Variants in SH3BGRL2 observed in about 807,000 individuals in gnomAD.
SH3BGRL2 encodes SH3 domain-binding glutamic acid-rich-like protein 2.
SH3BGRL2 carries 21 observed loss-of-function variants against 14.8 expected under a neutral mutation model. That is an observed-to-expected ratio of 1.42 (90% CI 1.01 to 2.05). The LOEUF is 2.05. Ranked by LOEUF, SH3BGRL2 falls within the 30% of genes most tolerant of loss-of-function variation. The pLI, the probability that SH3BGRL2 is intolerant of heterozygous loss-of-function variation, is 0.00. For synonymous variants in SH3BGRL2, 50 were observed against 47.8 expected (o/e 1.05, Z -0.19); for missense variants, 147 against 130.8 (o/e 1.12, Z -0.61).
chr6:79,643,267 G>A (rs576444664), intron 1 of SH3BGRL2, among the ~76,000 whole-genome samples: 1 of 152,198 alleles, frequency 6.6e-6, no homozygotes, highest in South Asian at 2.1e-4. Flanking sequence ...TTTGTGCCTG[G>A]TACTTTTTAT....
the SH3BGRL2 span, among the ~76,000 whole-genome samples, chr6:79,566,582 G>C: frequency 1.3e-5 from 2 of 152,062 alleles, no homozygotes; most frequent in African/African-American, 4.8e-5. Context: ...TTGTTTCCAT[G>C]ATAAATTATA....
intron 1 of SH3BGRL2, among the ~76,000 whole-genome samples, chr6:79,635,293 T>C (rs1768901477): frequency 6.6e-6 from 1 of 152,230 alleles, no homozygotes; most frequent in South Asian, 2.1e-4. Context: ...AACCACCTAA[T>C]TTTTTGGAAA....
At chr6:79,696,854 C>T (rs185280561) in intron 3 of SH3BGRL2, among the ~76,000 whole-genome samples, 1 of 151,960 alleles carries the variant, frequency 6.6e-6, no homozygotes, top group African/African-American at 2.4e-5. Flanking sequence ...CTAGTAGGTG[C>T]TTTCTGTTTA....
the SH3BGRL2 span, among the ~76,000 whole-genome samples, chr6:79,580,305 A>G: frequency 6.6e-6 from 1 of 152,356 alleles, no homozygotes; most frequent in Middle Eastern, 3.4e-3. Flanking sequence ...ATAGAAATCT[A>G]CAGAACTCTT....
chr6:79,608,182 C>G, the SH3BGRL2 span, among the ~76,000 whole-genome samples: 1 of 152,242 alleles, frequency 6.6e-6, no homozygotes, highest in Middle Eastern at 3.4e-3. Flanking sequence ...TAGTCAGCCC[C>G]CATGATCCAA....
chr6:79,545,106 C>T, the SH3BGRL2 span, among the ~76,000 whole-genome samples: 2 of 152,130 alleles, frequency 1.3e-5, no homozygotes, highest in Non-Finnish European at 2.9e-5. Flanking sequence ...TCTCAGCTGG[C>T]CTCATGTCTC....
At chr6:79,608,528 G>GT in the SH3BGRL2 span, among the ~76,000 whole-genome samples, 1 of 152,156 alleles carries the variant, frequency 6.6e-6, no homozygotes, top group Non-Finnish European at 1.5e-5. Context: ...CTTGGCACAT[G>GT]GTAACTGTTT....
the SH3BGRL2 span, among the ~76,000 whole-genome samples, chr6:79,538,018 GT>G: frequency 7.5e-4 from 33 of 44,156 alleles, no homozygotes; most frequent in Non-Finnish European, 8.9e-4. Context: ...TTGCACACAA[GT>G]TTTTTTTTTT....
At chr6:79,570,317 G>A in the SH3BGRL2 span, among the ~76,000 whole-genome samples, 5 of 152,146 alleles carry the variant, frequency 3.3e-5, no homozygotes, top group African/African-American at 1.2e-4. Flanking sequence ...TGGTTGCACG[G>A]TGACTAAGCA....
At chr6:79,605,598 A>C in the SH3BGRL2 span, among the ~76,000 whole-genome samples, 1 of 152,220 alleles carries the variant, frequency 6.6e-6, no homozygotes, top group Non-Finnish European at 1.5e-5. Context: ...GAATTCAATG[A>C]ATGCCTAATT....
chr6:79,650,370 A>G (rs1261956361), intron 1 of SH3BGRL2, among the ~76,000 whole-genome samples: 2 of 152,164 alleles, frequency 1.3e-5, no homozygotes, highest in African/African-American at 4.8e-5. Context: ...TGAGATGACC[A>G]ACTCAAGACA....
chr6:79,647,929 A>G (rs1033560628), intron 1 of SH3BGRL2, among the ~76,000 whole-genome samples: 39 of 151,614 alleles, frequency 2.6e-4, no homozygotes, highest in African/African-American at 9.2e-4. Flanking sequence ...TTCCATTTGT[A>G]TGTATTTCCT....
At chr6:79,651,602 C>T (rs200569393) in intron 1 of SH3BGRL2, among the ~76,000 whole-genome samples, 2 of 151,702 alleles carry the variant, frequency 1.3e-5, no homozygotes, top group Non-Finnish European at 2.9e-5. Context: ...TTACATCAAA[C>T]GGGAATAAAT....
At chr6:79,620,759 T>TA in the SH3BGRL2 span, among the ~76,000 whole-genome samples, 1 of 151,840 alleles carries the variant, frequency 6.6e-6, no homozygotes, top group Non-Finnish European at 1.5e-5. Context: ...CAGAGAAGAA[T>TA]AAAAAGGATC....
the SH3BGRL2 span, among the ~76,000 whole-genome samples, chr6:79,547,421 A>G: frequency 6.6e-3 from 1,010 of 152,216 alleles, 11 homozygotes; most frequent in African/African-American, 0.023. Context: ...GCATTGCCCA[A>G]GGTCACCCAC....
chr6:79,685,705 A>G (rs1418145992), intron 2 of SH3BGRL2, among the ~76,000 whole-genome samples: 1 of 151,984 alleles, frequency 6.6e-6, no homozygotes, highest in African/African-American at 2.4e-5. Flanking sequence ...AATTATATGA[A>G]TACTTTTCCT....
chr6:79,609,098 G>T, the SH3BGRL2 span, among the ~76,000 whole-genome samples: 5 of 152,154 alleles, frequency 3.3e-5, no homozygotes, highest in African/African-American at 9.7e-5. Flanking sequence ...AACATACATT[G>T]ACTGTTGGTG....
At chr6:79,615,819 TTTTTTTTTCTTTC>T in the SH3BGRL2 span, among the ~76,000 whole-genome samples, 3 of 30,162 alleles carry the variant, frequency 9.9e-5, no homozygotes, top group African/African-American at 4.4e-4. Context: ...ACTCCTGCCT[TTTTTTTTTCTTTC>T]TTTTTTTTTT....
At position 79,658,520 on chromosome 6, in the gene SH3BGRL2, A is replaced by G. The variant is rs188216447; in HGVS notation, c.46-15094A>G. Among the ~76,000 whole-genome samples the G allele has an allele frequency of 1.3e-3, 197 of 152,094 alleles. 1 individual carries two copies. Among genetic ancestry groups the G allele is most frequent in the African/African-American group, 4.7e-3 (193 of 41,484 alleles). ...GTATTCCATGGTGTATATGTGCCAC[A>G]TTTTCTTAATCCAGTCTATCATTGA... On this transcript the variant is annotated intron_variant, in intron 1 of 3. Transcript: ENST00000369838.
Sources: gnomAD v4.1 joint callset for allele counts (sites outside exome capture counted in the v4.1 genomes callset) on GRCh38, gnomAD v4.1.1 for gene constraint, MANE v1.5 for transcripts, NCBI Gene and HGNC (gene_info 2026-07-23, HGNC 2026-07-21) for gene names.